The following AMPD3 variants were observed in gnomAD, a reference collection of about 807,000 sequenced individuals.
AMPD3 encodes adenosine monophosphate deaminase 3, also known as AMP deaminase 3.
A neutral mutation model predicts 82.3 loss-of-function variants in AMPD3; 57 were observed. That is an observed-to-expected ratio of 0.69 (90% CI 0.56 to 0.86). The LOEUF (loss-of-function observed/expected upper bound fraction) is 0.86, where lower values mean the gene tolerates loss of function less well. Among genes scored for constraint, AMPD3 ranks in the 40% least tolerant of loss-of-function variants. AMPD3 has a pLI of 0.00. For synonymous variants in AMPD3, 381 were observed against 394.7 expected, an observed-to-expected ratio of 0.97 and a Z score of 0.41; for missense variants, 870 against 1,003.8, an observed-to-expected ratio of 0.87 and a Z score of 1.80.
At chr11:10,481,830 A>G in intron 3 of AMPD3, 1 of 579,118 alleles carries the variant, frequency 1.7e-6, no homozygotes, top group East Asian at 3.2e-5. Context: ...TGCATAGCAC[A>G]TCTCAAATTC....
Position 10,484,823 on chromosome 11 carries a change from T to G in AMPD3, c.593T>G (p.Phe198Cys), listed in dbSNP as rs1312740290. The part of the protein sequence containing the change: ...TAPPEEGLPD[F>C]HPPPLPQEDP... ...ATCCCTCAATCCTGTTTTGCAGACT[T>G]CCACCCTCCTCCACTGCCCCAGGAA... Residue 198 changes from phenylalanine (F) to cysteine (C), a missense_variant, in exon 5 of 15, where the codon TTC becomes TGC. Transcript: ENST00000396553. The G allele has an allele frequency of 1.9e-6, 3 of 1,613,722 alleles. No individual in the cohort carries two copies. The highest frequency in any genetic ancestry group is 2.7e-5 in the African/African-American group (2 of 74,876).
chr11:10,480,516 TTAG>T (rs1280411622), intron 3 of AMPD3, among the ~76,000 whole-genome samples: 2 of 152,170 alleles, frequency 1.3e-5, no homozygotes, highest in African/African-American at 4.8e-5. Flanking sequence ...CTTTTTGTAT[TTAG>T]TATTTACTAA....
At chr11:10,471,543 C>A (rs932179387) in intron 2 of AMPD3, among the ~76,000 whole-genome samples, 1 of 152,200 alleles carries the variant, frequency 6.6e-6, no homozygotes, top group Non-Finnish European at 1.5e-5. Flanking sequence ...AAAATTTTTT[C>A]AATCTATCCA....
At chr11:10,450,847 T>G, upstream of AMPD3, 13 of 1,199,870 alleles carry the variant, frequency 1.1e-5, no homozygotes, top group Non-Finnish European at 1.2e-5. Context: ...GGGGCCCTCC[T>G]GGCCGGGGAT....
At chr11:10,474,709 A>T (rs1045821673) in intron 2 of AMPD3, among the ~76,000 whole-genome samples, 1 of 152,178 alleles carries the variant, frequency 6.6e-6, no homozygotes, top group African/African-American at 2.4e-5. Context: ...GGATGACAAA[A>T]CTGCTCCTGG....
intron 10 of AMPD3, among the ~76,000 whole-genome samples, chr11:10,497,249 A>G (rs918946554): frequency 5.9e-5 from 9 of 151,622 alleles, no homozygotes; most frequent in African/African-American, 2.2e-4. Flanking sequence ...TGGGGCTGGA[A>G]AGGCTGGATC....
intron 3 of AMPD3, 52 bp downstream of exon 3, chr11:10,478,782 C>T (rs1367626752): frequency 6.3e-7 from 1 of 1,582,968 alleles, no homozygotes; most frequent in South Asian, 1.1e-5. Context: ...AGGCCAGGGG[C>T]CCCATGGGCC....
At chr11:10,486,896 C>G (rs1849086701) in intron 5 of AMPD3, 1 of 985,326 alleles carries the variant, frequency 1.0e-6, no homozygotes, top group African/African-American at 1.7e-5. Context: ...CAGTTTAACC[C>G]TTACTTCAGC....
At chr11:10,498,669 G>A (rs571072263) in intron 10 of AMPD3, among the ~76,000 whole-genome samples, 2 of 152,358 alleles carry the variant, frequency 1.3e-5, no homozygotes, top group East Asian at 1.9e-4. Context: ...AAGCTGCCTT[G>A]CTCCTCTGGG....
chr11:10,463,636 C>T (rs1848334141), intron 2 of AMPD3, among the ~76,000 whole-genome samples: 1 of 152,228 alleles, frequency 6.6e-6, no homozygotes, highest in African/African-American at 2.4e-5. Context: ...AACCAGTTTC[C>T]ACTACAGAGT....
chr11:10,506,073 T>A lies in AMPD3; in HGVS notation c.*189T>A. The A allele has an allele frequency of 1.5e-6, 1 of 662,022 alleles. No homozygotes were observed. The highest frequency in any genetic ancestry group is 2.7e-6 in the Non-Finnish European group (1 of 372,700). The allele number at this position is 662,022 out of a possible 1,614,324, so 41.0% of individuals were successfully genotyped here. On this transcript the variant is annotated 3_prime_UTR_variant, in exon 15 of 15. Coordinates refer to ENST00000396553, the MANE Select transcript of AMPD3 (RefSeq NM_001025389.2). This position sits in a 1 kb window ranked among gnomAD's most constrained non-coding sequence, Gnocchi z 4.1. The stretch of plus-strand genomic sequence containing the variant: ...ATGCTCACTTGTTAGTATTTCTGAG[T>A]AACAAGATGGTGACTTCTCCTTGGG...
At chr11:10,498,203 T>C (rs1170396167) in intron 10 of AMPD3, among the ~76,000 whole-genome samples, 1 of 152,078 alleles carries the variant, frequency 6.6e-6, no homozygotes, top group Non-Finnish European at 1.5e-5. Flanking sequence ...GCACAAAGTG[T>C]GGGGCTTGGT....
intron 13 of AMPD3, among the ~76,000 whole-genome samples, chr11:10,503,107 G>A (rs1052403654): frequency 6.6e-6 from 1 of 152,198 alleles, no homozygotes; most frequent in Non-Finnish European, 1.5e-5. Context: ...GCACAATTTA[G>A]TATCTTTGCC....
intron 1 of AMPD3, among the ~76,000 whole-genome samples, chr11:10,459,607 C>G (rs1472687744): frequency 6.6e-6 from 1 of 152,162 alleles, no homozygotes; most frequent in Non-Finnish European, 1.5e-5. Flanking sequence ...TCTCTTTAAA[C>G]CAACTTTAAA....
chr11:10,488,610 G>C (rs936531589), intron 6 of AMPD3, among the ~76,000 whole-genome samples: 2 of 152,182 alleles, frequency 1.3e-5, no homozygotes, highest in African/African-American at 4.8e-5. Flanking sequence ...GGATCATGCA[G>C]GGGCTGTGGG....
upstream of AMPD3, among the ~76,000 whole-genome samples, chr11:10,453,641 T>C (rs1002323159): frequency 3.3e-5 from 5 of 152,144 alleles, no homozygotes; most frequent in East Asian, 9.7e-4. Flanking sequence ...TGGAGTGCAG[T>C]GCAGTGGTGC....
At chr11:10,487,161 C>T (rs995162956) in intron 5 of AMPD3, 74 bp from the exon 6 acceptor site, 2 of 1,606,218 alleles carry the variant, frequency 1.2e-6, no homozygotes, top group Admixed American at 3.3e-5. Context: ...TTGGCCCCTG[C>T]AGATGCTGGA....
intron 6 of AMPD3, among the ~76,000 whole-genome samples, chr11:10,491,122 C>A (rs1849228580): frequency 6.6e-6 from 1 of 152,210 alleles, no homozygotes; most frequent in Non-Finnish European, 1.5e-5. Flanking sequence ...GCCTCCTCAC[C>A]CCAGCCCGGG....
chr11:10,479,154 G>A (rs1420365957), intron 3 of AMPD3, among the ~76,000 whole-genome samples: 2 of 152,148 alleles, frequency 1.3e-5, no homozygotes, highest in Admixed American at 1.3e-4. Context: ...CTTATATGTA[G>A]GTTCAATACC....
Sources: allele counts gnomAD v4.1 joint callset (sites outside exome capture counted in the v4.1 genomes callset), GRCh38; gene constraint gnomAD v4.1.1; non-coding constraint Gnocchi (gnomAD v3.1); transcripts MANE v1.5; gene names NCBI Gene and HGNC (gene_info 2026-07-23, HGNC 2026-07-21).